Variants in ADCY1 observed in about 807,000 individuals in gnomAD.
ADCY1 encodes adenylate cyclase type 1.
Under a neutral mutation model 105.4 loss-of-function variants are expected in ADCY1, and 28 were observed. That is an observed-to-expected ratio of 0.27 (90% CI 0.20 to 0.36). The LOEUF is 0.36. ADCY1 is among the 10% of genes least tolerant of loss of function. The pLI, the probability that ADCY1 is intolerant of heterozygous loss-of-function variation, is 1.00. For missense variants in ADCY1, 977 were observed against 1,434.2 expected (o/e 0.68, Z 5.15); for synonymous variants, 655 against 623.8 (o/e 1.05, Z -0.75).
chr7:45,700,155 C>G (rs1784970304), intron 14 of ADCY1, among the ~76,000 whole-genome samples: 1 of 152,272 alleles, frequency 6.6e-6, no homozygotes, highest in South Asian at 2.1e-4. Context: ...GTGTTTCTGC[C>G]CTCTTGACAA....
Position 45,695,673 on chromosome 7 carries a change from A to G in ADCY1, c.2455-7703A>G, listed in dbSNP as rs147002963. Among the ~76,000 whole-genome samples the G allele has an allele frequency of 3.3e-4, 51 of 152,360 alleles. No individual in the cohort carries two copies. The East Asian group carries it at 9.3e-3, about 28-fold the overall frequency. On this transcript the variant is annotated intron_variant, in intron 14 of 19. Transcript: ENST00000297323. ...TAGAAGGACGCAGCATAACTTCAAC[A>G]TAGAGCAAAAGCTCCAAAGACCCCA...
chr7:45,622,776 A>G (rs752801118), intron 4 of ADCY1, 33 bp downstream of exon 4: 1 of 1,553,514 alleles, frequency 6.4e-7, no homozygotes, highest in Non-Finnish European at 8.8e-7. Flanking sequence ...TTCGAATTAA[A>G]TTAGAATTGC....
At chr7:45,648,292 C>T (rs543799305) in intron 4 of ADCY1, among the ~76,000 whole-genome samples, 2 of 152,244 alleles carry the variant, frequency 1.3e-5, no homozygotes, top group African/African-American at 2.4e-5. Flanking sequence ...GTCTGCATGG[C>T]GGTTAAGGGA....
At chr7:45,662,920 C>T (rs1246725551) in intron 8 of ADCY1, among the ~76,000 whole-genome samples, 1 of 152,196 alleles carries the variant, frequency 6.6e-6, no homozygotes, top group Non-Finnish European at 1.5e-5. Context: ...CCATCTGCCC[C>T]CCAGACAGGG....
intron 6 of ADCY1, among the ~76,000 whole-genome samples, chr7:45,659,001 T>G (rs1388096135): frequency 2.0e-5 from 3 of 152,192 alleles, no homozygotes; most frequent in Non-Finnish European, 4.4e-5. Context: ...CCCCTGTAGA[T>G]GGGGCAGCAC....
chr7:45,656,682 A>C (rs749343663), intron 5 of ADCY1, among the ~76,000 whole-genome samples: 10 of 152,070 alleles, frequency 6.6e-5, no homozygotes, highest in Non-Finnish European at 1.3e-4. Context: ...GGTGAACCAG[A>C]CACAGGCTTC....
intron 9 of ADCY1, 47 bp downstream of exon 9, chr7:45,678,110 G>T (rs752195110): frequency 6.2e-7 from 1 of 1,613,558 alleles, no homozygotes; most frequent in African/African-American, 1.3e-5. Flanking sequence ...TTGCGAAGGC[G>T]CTGCCTGGCT....
intron 14 of ADCY1, among the ~76,000 whole-genome samples, chr7:45,694,553 G>C (rs1784846631): frequency 6.6e-6 from 1 of 152,146 alleles, no homozygotes; most frequent in African/African-American, 2.4e-5. Context: ...AGCCAGAAAA[G>C]AGGAAATTAA....
At chr7:45,577,175 G>A (rs563887572) in intron 1 of ADCY1, among the ~76,000 whole-genome samples, 2 of 152,290 alleles carry the variant, frequency 1.3e-5, no homozygotes, top group Non-Finnish European at 2.9e-5. Flanking sequence ...GCAATCCAAA[G>A]CCTTCCCTCA....
intron 8 of ADCY1, among the ~76,000 whole-genome samples, chr7:45,673,296 A>C (rs1784396854): frequency 6.6e-6 from 1 of 152,124 alleles, no homozygotes; most frequent in Non-Finnish European, 1.5e-5. Context: ...TGACTTTGTA[A>C]AGTGACTTGG....
rs115573713 is a variant in ADCY1 at position 45,625,218 on chromosome 7, C to T, written c.1020+2475C>T. Among the ~76,000 whole-genome samples the T allele has an allele frequency of 7.5e-3, 1,143 of 152,258 alleles. 13 individuals carry two copies. The highest frequency in any genetic ancestry group is 0.026 in the African/African-American group (1,093 of 41,530). On this transcript the variant is annotated intron_variant, in intron 4 of 19. Transcript: ENST00000297323. The stretch of plus-strand genomic sequence containing the variant: ...ATGGGCGGGGGCTCTGGGCCTGTTT[C>T]GAGGCATCGTCACATGCTCTGTCAT...
chr7:45,598,158 T>G (rs971957065), intron 2 of ADCY1, among the ~76,000 whole-genome samples: 1 of 152,162 alleles, frequency 6.6e-6, no homozygotes, highest in African/African-American at 2.4e-5. Context: ...GCTTAATAAA[T>G]CTGAGAACTG....
intron 6 of ADCY1, among the ~76,000 whole-genome samples, chr7:45,658,662 C>T (rs1215820668): frequency 3.9e-5 from 6 of 152,226 alleles, no homozygotes; most frequent in African/African-American, 7.2e-5. Flanking sequence ...GCTATGCAGC[C>T]GCTGTCTTCA....
chr7:45,641,933 A>AAAAAAAAAAAG (rs1794536401), intron 4 of ADCY1, among the ~76,000 whole-genome samples: 1 of 25,086 alleles, frequency 4.0e-5, no homozygotes, highest in African/African-American at 1.6e-4. Flanking sequence ...ACTCCGTCTC[A>AAAAAAAAAAAG]AAAAAAAAAA....
chr7:45,586,683 T>C (rs995023445), intron 1 of ADCY1, among the ~76,000 whole-genome samples: 4 of 152,202 alleles, frequency 2.6e-5, no homozygotes, highest in Admixed American at 1.3e-4. Flanking sequence ...ACTCAGCCGC[T>C]GGTGAGCACC....
At chr7:45,592,275 C>T (rs1792942192) in intron 1 of ADCY1, among the ~76,000 whole-genome samples, 1 of 152,080 alleles carries the variant, frequency 6.6e-6, no homozygotes, top group African/African-American at 2.4e-5. Flanking sequence ...CAGGGCTGGG[C>T]TCTCCTGAGA....
intron 19 of ADCY1, among the ~76,000 whole-genome samples, chr7:45,712,077 T>C (rs1300282970): frequency 1.5e-5 from 2 of 132,616 alleles, no homozygotes; most frequent in African/African-American, 2.8e-5. Flanking sequence ...TTATATATTA[T>C]ATTAAATATA....
intron 1 of ADCY1, among the ~76,000 whole-genome samples, chr7:45,592,331 CAG>C (rs1007521293): frequency 5.9e-5 from 9 of 152,176 alleles, no homozygotes; most frequent in African/African-American, 2.2e-4. Context: ...TGTGCCCTCA[CAG>C]AGTCTTCCCG....
intron 4 of ADCY1, among the ~76,000 whole-genome samples, chr7:45,642,149 C>T (rs186883775): frequency 6.6e-6 from 1 of 152,126 alleles, no homozygotes; most frequent in African/African-American, 2.4e-5. Context: ...ACAGTGAGCA[C>T]CCAGGTCATC....
Sources: gnomAD v4.1 joint callset for allele counts (sites outside exome capture counted in the v4.1 genomes callset) on GRCh38, gnomAD v4.1.1 for gene constraint, MANE v1.5 for transcripts, NCBI Gene and HGNC (gene_info 2026-07-23, HGNC 2026-07-21) for gene names.